SIPA1L2: variants seen among roughly 807,000 people sequenced by gnomAD.
SIPA1L2 encodes signal-induced proliferation-associated 1-like protein 2.
A neutral mutation model predicts 163.9 loss-of-function variants in SIPA1L2; 56 were observed. The observed-to-expected ratio is 0.34, with a 90% confidence interval of 0.28 to 0.43. The LOEUF (loss-of-function observed/expected upper bound fraction) is 0.43. Ranked by LOEUF, SIPA1L2 falls within the 20% of genes least tolerant of loss-of-function variation. The probability of loss-of-function intolerance (pLI) is 1.00; values close to 1 mark genes in which losing one functional copy is unlikely to be tolerated. For synonymous variants in SIPA1L2, 877 were observed against 865.7 expected (o/e 1.01, Z -0.23); for missense variants, 1,974 against 2,193.5 (o/e 0.90, Z 2.00).
chr1:232,628,839 G>A (rs1260105954), intron 1 of SIPA1L2, among the ~76,000 whole-genome samples: 2 of 152,008 alleles, frequency 1.3e-5, no homozygotes, highest in Admixed American at 1.3e-4. Context: ...AAGAGGCAAA[G>A]AAAAGAAAAA....
intron 2 of SIPA1L2, among the ~76,000 whole-genome samples, chr1:232,558,065 C>A (rs1420518453): frequency 6.6e-6 from 1 of 152,168 alleles, no homozygotes; most frequent in Non-Finnish European, 1.5e-5. Flanking sequence ...TCAAACAGAA[C>A]CCTACTTGGA....
intron 10 of SIPA1L2, among the ~76,000 whole-genome samples, chr1:232,448,530 G>C (rs1750640): frequency 0.28 from 42,965 of 152,086 alleles, 6,399 homozygotes; most frequent in Middle Eastern, 0.47. Context: ...AGGAGAACAA[G>C]AAACAGAAAC....
At chr1:232,621,820 C>T (rs1189061049) in intron 1 of SIPA1L2, among the ~76,000 whole-genome samples, 1 of 151,988 alleles carries the variant, frequency 6.6e-6, no homozygotes, top group Non-Finnish European at 1.5e-5. Flanking sequence ...ACCTCGAACG[C>T]CTGGGCTCAA....
chr1:232,531,204 G>A (rs1656904707), intron 2 of SIPA1L2, among the ~76,000 whole-genome samples: 2 of 152,020 alleles, frequency 1.3e-5, no homozygotes, highest in African/African-American at 4.8e-5. Context: ...CAGCATTTAA[G>A]GCCCTACCCA....
At chr1:232,481,864 T>C (rs1029972563) in intron 6 of SIPA1L2, among the ~76,000 whole-genome samples, 1 of 152,206 alleles carries the variant, frequency 6.6e-6, no homozygotes, top group African/African-American at 2.4e-5. Flanking sequence ...TCCTGAACTT[T>C]CCTTGTGAGG....
chr1:232,618,064 C>T (rs1662597895), intron 1 of SIPA1L2, among the ~76,000 whole-genome samples: 2 of 152,170 alleles, frequency 1.3e-5, no homozygotes, highest in African/African-American at 4.8e-5. Context: ...CACTACACCA[C>T]ACAATATTTT....
chr1:232,408,288 G>T (rs1041831816), intron 19 of SIPA1L2, among the ~76,000 whole-genome samples: 5 of 146,476 alleles, frequency 3.4e-5, no homozygotes, highest in African/African-American at 1.0e-4. Flanking sequence ...ATGAAGGACT[G>T]TTTTTTTTTT....
At chr1:232,614,286 C>T (rs1217213729) in intron 1 of SIPA1L2, among the ~76,000 whole-genome samples, 2 of 152,118 alleles carry the variant, frequency 1.3e-5, no homozygotes, top group African/African-American at 4.8e-5. Context: ...AAAGTCAAAG[C>T]ACACACATCT....
intron 17 of SIPA1L2, among the ~76,000 whole-genome samples, chr1:232,427,653 T>C (rs1168118323): frequency 6.6e-6 from 1 of 152,208 alleles, no homozygotes; most frequent in Non-Finnish European, 1.5e-5. Flanking sequence ...TTAAATTGTT[T>C]AGCAAAGTGG....
intron 1 of SIPA1L2, among the ~76,000 whole-genome samples, chr1:232,577,083 T>A (rs1293375818): frequency 6.6e-6 from 1 of 152,056 alleles, no homozygotes; most frequent in Non-Finnish European, 1.5e-5. Flanking sequence ...TTCAAAGCTT[T>A]AAAGGACAGG....
chr1:232,552,443 A>G (rs1055206212), intron 2 of SIPA1L2, among the ~76,000 whole-genome samples: 3 of 151,992 alleles, frequency 2.0e-5, no homozygotes, highest in Non-Finnish European at 4.4e-5. Context: ...TGGCTGGAGC[A>G]CAGTGGTGCA....
rs556305407 is a variant in SIPA1L2 at position 232,599,642 on chromosome 1, G to A, written c.-318-25420C>T. 3.9e-5 allele frequency among the ~76,000 whole-genome samples: 6 copies of A among 152,250 alleles called. No homozygotes were observed. The South Asian group carries it at 1.2e-3, about 32-fold the overall frequency. On this transcript the variant is annotated intron_variant, in intron 1 of 22. Coordinates refer to ENST00000674635, the MANE Select transcript of SIPA1L2 (RefSeq NM_020808.5). ...TTGGTGAGAGCGGCTACACGGTGGG[G>A]TAGAACTACCCTCTAAGATTGGAGA...
chr1:232,451,759 G>C (rs1663593187), intron 10 of SIPA1L2, among the ~76,000 whole-genome samples: 1 of 151,946 alleles, frequency 6.6e-6, no homozygotes, highest in Non-Finnish European at 1.5e-5. Context: ...TAAGGCTGTG[G>C]GATCACTTTT....
intron 8 of SIPA1L2, among the ~76,000 whole-genome samples, chr1:232,470,886 G>A (rs12140291): frequency 0.24 from 36,667 of 152,100 alleles, 4,611 homozygotes; most frequent in Admixed American, 0.34. Context: ...GACAGAGTCT[G>A]AGAGTAGTGG....
chr1:232,495,745 C>T (rs527704341), intron 3 of SIPA1L2, among the ~76,000 whole-genome samples: 7 of 151,994 alleles, frequency 4.6e-5, no homozygotes, highest in African/African-American at 1.4e-4. Flanking sequence ...TATCATGAGG[C>T]TGAAAAACTA....
intron 1 of SIPA1L2, among the ~76,000 whole-genome samples, chr1:232,598,377 C>A (rs1459021775): frequency 6.6e-6 from 1 of 152,134 alleles, no homozygotes; most frequent in Non-Finnish European, 1.5e-5. Context: ...CATCAATGTA[C>A]TCCAGCTGAG....
At chr1:232,452,417 C>T (rs1558188608) in intron 10 of SIPA1L2, among the ~76,000 whole-genome samples, 2 of 151,912 alleles carry the variant, frequency 1.3e-5, no homozygotes, top group Middle Eastern at 3.4e-3. Context: ...AAGGCCCCCA[C>T]AGTTAACAGA....
chr1:232,480,710 C>T (rs1572962074), intron 6 of SIPA1L2, among the ~76,000 whole-genome samples: 1 of 152,124 alleles, frequency 6.6e-6, no homozygotes, highest in East Asian at 1.9e-4. Flanking sequence ...TCTATACAGT[C>T]TTATTTCTCT....
At chr1:232,474,243 A>C (rs1309068794) in intron 7 of SIPA1L2, among the ~76,000 whole-genome samples, 1 of 152,222 alleles carries the variant, frequency 6.6e-6, no homozygotes, top group Non-Finnish European at 1.5e-5. Flanking sequence ...CCAACTTATT[A>C]GTGTCTTCAA....
Sources: gnomAD v4.1 joint callset for allele counts (sites outside exome capture counted in the v4.1 genomes callset) on GRCh38, gnomAD v4.1.1 for gene constraint, MANE v1.5 for transcripts, NCBI Gene and HGNC (gene_info 2026-07-23, HGNC 2026-07-21) for gene names.